Variants in LIMCH1 observed in about 807,000 individuals in gnomAD.
The protein encoded by LIMCH1 is LIM and calponin homology domains-containing protein 1.
In LIMCH1, 113 loss-of-function variants were observed where a neutral mutation model predicts 176.5. That is an observed-to-expected ratio of 0.64 (90% CI 0.55 to 0.75). The LOEUF (loss-of-function observed/expected upper bound fraction) is 0.75. Ranked by LOEUF, LIMCH1 falls within the 30% of genes least tolerant of loss-of-function variation. The pLI, the probability that LIMCH1 is intolerant of heterozygous loss-of-function variation, is 0.00. For missense variants in LIMCH1, 1,674 were observed against 1,814.9 expected, an observed-to-expected ratio of 0.92 and a Z score of 1.41; for synonymous variants, 619 against 645.9, an observed-to-expected ratio of 0.96 and a Z score of 0.63.
chr4:41,682,972 T>G (rs1183550329), intron 26 of LIMCH1, among the ~76,000 whole-genome samples: 2 of 152,176 alleles, frequency 1.3e-5, no homozygotes, highest in Non-Finnish European at 2.9e-5. Context: ...CCACCATGCC[T>G]GGCCTAAATA....
At chr4:41,689,697 T>C (rs371082109) in intron 30 of LIMCH1, 62 bp downstream of exon 30, 3 of 1,001,888 alleles carry the variant, frequency 3.0e-6, no homozygotes, top group Non-Finnish European at 3.2e-6. Context: ...CATCGTTCCG[T>C]GCTGAAAAAT....
chr4:41,427,056 A>G (rs1053572577), intron 1 of LIMCH1, among the ~76,000 whole-genome samples: 1 of 152,208 alleles, frequency 6.6e-6, no homozygotes, highest in Non-Finnish European at 1.5e-5. Flanking sequence ...ATGTTGGGTC[A>G]ATCAAAGAAT....
At chr4:41,677,406 C>T (rs1239649825) in intron 23 of LIMCH1, among the ~76,000 whole-genome samples, 1 of 151,778 alleles carries the variant, frequency 6.6e-6, no homozygotes, top group Non-Finnish European at 1.5e-5. Context: ...AAAACTCCAT[C>T]TCAAAAAAAA....
chr4:41,629,434 C>G, intron 8 of LIMCH1, 58 bp from the exon 9 acceptor site: 2 of 1,519,912 alleles, frequency 1.3e-6, no homozygotes, highest in Non-Finnish European at 8.8e-7. Flanking sequence ...TCTTTGTCTG[C>G]TCCCCTTCCT....
At chr4:41,570,508 T>A (rs2083399586) in intron 1 of LIMCH1, among the ~76,000 whole-genome samples, 1 of 152,228 alleles carries the variant, frequency 6.6e-6, no homozygotes, top group Admixed American at 6.5e-5. Flanking sequence ...GTATTGATTT[T>A]GGTTTGCATG....
Position 41,613,576 on chromosome 4 carries a change from T to TGATTCCTTCGACAGCCTG in LIMCH1, c.129_146dup (p.Asp44_Phe49dup). ...TCTCTCCTCCTCGCCACGGCAGAGA[T>TGATTCCTTCGACAGCCTG]GATTCCTTCGACAGCCTGGATTCCT... On this transcript the variant is annotated inframe_insertion, in exon 5 of 32. Coordinates refer to ENST00000503057, the MANE Select transcript of LIMCH1 (RefSeq NM_001330672.2). 6.2e-7 allele frequency: 1 copy of TGATTCCTTCGACAGCCTG among 1,614,136 alleles called. No individual in the cohort carries two copies. Among genetic ancestry groups the TGATTCCTTCGACAGCCTG allele is most frequent in the Non-Finnish European group, 8.5e-7 (1 of 1,180,028 alleles).
intron 5 of LIMCH1, among the ~76,000 whole-genome samples, chr4:41,615,010 G>A (rs890553485): frequency 6.6e-6 from 1 of 152,164 alleles, no homozygotes; most frequent in Non-Finnish European, 1.5e-5. Flanking sequence ...GGGCCACATA[G>A]TATGTGACTC....
chr4:41,432,235 T>A (rs2061668805), intron 1 of LIMCH1, among the ~76,000 whole-genome samples: 1 of 152,196 alleles, frequency 6.6e-6, no homozygotes, highest in Admixed American at 6.5e-5. Flanking sequence ...TCTGAGTGGA[T>A]TAATTGTGGC....
intron 18 of LIMCH1, among the ~76,000 whole-genome samples, chr4:41,655,696 C>G (rs1460443130): frequency 6.6e-6 from 1 of 152,108 alleles, no homozygotes; most frequent in Non-Finnish European, 1.5e-5. Context: ...TCTTTCCCCC[C>G]ACCTTTTGTA....
intron 4 of LIMCH1, among the ~76,000 whole-genome samples, chr4:41,609,242 G>GT (rs5857806): frequency 7.4e-4 from 109 of 147,176 alleles, no homozygotes; most frequent in South Asian, 3.7e-3. Context: ...CCCACCTTAT[G>GT]TTTTTTTTTT....
At chr4:41,677,447 C>G (rs1000624067) in intron 23 of LIMCH1, among the ~76,000 whole-genome samples, 5 of 152,094 alleles carry the variant, frequency 3.3e-5, no homozygotes, top group Non-Finnish European at 7.4e-5. Flanking sequence ...AATGTTTGCT[C>G]TACCTTTGGG....
At chr4:41,629,282 CCT>C (rs1336690771) in intron 8 of LIMCH1, among the ~76,000 whole-genome samples, 2 of 152,168 alleles carry the variant, frequency 1.3e-5, no homozygotes, top group Non-Finnish European at 2.9e-5. Context: ...GGGAAAAAAA[CCT>C]CTGTCTCATT....
intron 31 of LIMCH1, among the ~76,000 whole-genome samples, chr4:41,693,794 TG>T (rs1263119485): frequency 6.6e-6 from 1 of 152,146 alleles, no homozygotes; most frequent in African/African-American, 2.4e-5. Context: ...ATGTAATTTA[TG>T]GAACCAGAAG....
chr4:41,458,887 A>G (rs2154151710), intron 1 of LIMCH1, among the ~76,000 whole-genome samples: 1 of 152,022 alleles, frequency 6.6e-6, no homozygotes, highest in Admixed American at 6.5e-5. Flanking sequence ...TAAATAGTGT[A>G]CTTGAGTGGA....
intron 1 of LIMCH1, among the ~76,000 whole-genome samples, chr4:41,404,466 A>G (rs2058760860): frequency 6.6e-6 from 1 of 152,106 alleles, no homozygotes; most frequent in African/African-American, 2.4e-5. Context: ...CTCCTTGGGG[A>G]GTATTTTCTT....
At chr4:41,465,020 C>T (rs1443844957) in intron 1 of LIMCH1, among the ~76,000 whole-genome samples, 1 of 152,118 alleles carries the variant, frequency 6.6e-6, no homozygotes, top group Admixed American at 6.5e-5. Context: ...TCCTGCCTAC[C>T]TTTTTTGGGT....
chr4:41,432,803 G>A (rs73232197), intron 1 of LIMCH1, among the ~76,000 whole-genome samples: 6,982 of 152,238 alleles, frequency 0.046, 224 homozygotes, highest in East Asian at 0.14. Context: ...GGACATATGG[G>A]AGATCTTAAA....
chr4:41,566,881 C>T (rs907309035), intron 1 of LIMCH1, among the ~76,000 whole-genome samples: 1 of 152,160 alleles, frequency 6.6e-6, no homozygotes, highest in African/African-American at 2.4e-5. Flanking sequence ...TGACCACTTC[C>T]TTGTTACTGA....
At chr4:41,694,930 C>T (rs1165785734) in intron 31 of LIMCH1, among the ~76,000 whole-genome samples, 2 of 152,056 alleles carry the variant, frequency 1.3e-5, no homozygotes, top group Non-Finnish European at 2.9e-5. Flanking sequence ...AAAATTTCCA[C>T]TCTGCTTGGT....
Sources: allele counts gnomAD v4.1 joint callset (sites outside exome capture counted in the v4.1 genomes callset), GRCh38; gene constraint gnomAD v4.1.1; transcripts MANE v1.5; gene names NCBI Gene and HGNC (gene_info 2026-07-23, HGNC 2026-07-21).